SLC2A11: variants seen among roughly 807,000 people sequenced by gnomAD.
SLC2A11 encodes solute carrier family 2 member 11.
In SLC2A11, 43 loss-of-function variants were observed where a neutral mutation model predicts 52.1. The observed-to-expected ratio is 0.82, with a 90% confidence interval of 0.65 to 1.06. The LOEUF (loss-of-function observed/expected upper bound fraction) is 1.06. Among genes scored for constraint, SLC2A11 ranks in the 50% least tolerant of loss-of-function variants. SLC2A11 has a pLI of 0.00. For missense variants in SLC2A11, 582 were observed against 654.2 expected (o/e 0.89, Z 1.20); for synonymous variants, 261 against 277.6 (o/e 0.94, Z 0.59).
intron 1 of SLC2A11, among the ~76,000 whole-genome samples, chr22:23,858,687 A>G (rs2031946111): frequency 6.6e-6 from 1 of 152,254 alleles, no homozygotes; most frequent in African/African-American, 2.4e-5. Context: ...CGACGTAGCG[A>G]GACCTTGTCT....
chr22:23,870,716 G>T (rs760874429), intron 3 of SLC2A11: 1 of 151,614 alleles, frequency 6.6e-6, no homozygotes, highest in Non-Finnish European at 1.5e-5. Context: ...TTTTGAGACG[G>T]AGTTTCGCTC....
rs142006657 is a variant in SLC2A11, at chr22:23,875,712, C to T, written c.415+471C>T. Among the ~76,000 whole-genome samples, 71 of 152,288 alleles carry T rather than the reference C, an allele frequency of 4.7e-4. 1 individual carries two copies. The East Asian group carries it at 7.1e-3, about 15-fold the overall frequency. On this transcript the variant is annotated intron_variant, in intron 4 of 11. Coordinates refer to ENST00000316185, the MANE Select transcript of SLC2A11 (RefSeq NM_001024939.4). ...CTCCAACCAACAAGTCATCTCTTGACGCCCTACTGTTTATACAGCCCAGTG... is the reference window on the plus strand; with the variant it reads ...CTCCAACCAACAAGTCATCTCTTGATGCCCTACTGTTTATACAGCCCAGTG...
chr22:23,877,611 A>C, intron 5 of SLC2A11, 110 bp from the exon 6 acceptor site: 8 of 1,334,088 alleles, frequency 6.0e-6, no homozygotes, highest in South Asian at 1.3e-5. Context: ...AGGAAGAGGC[A>C]CGGGGCAATT....
In SLC2A11 at chr22:23,882,809, G is replaced by T. The variant is rs763819996; in HGVS notation, c.933G>T (p.Ala311=). The change falls in exon 8 of 12, where the codon GCG becomes GCT. Residue 311 remains alanine (A), a synonymous_variant. Transcript: ENST00000316185. ...TCCGGAAGGCAGGAGTGCCGGAAGC[G>T]AAGATCCAGTACGCGATCATCGGGA... is the stretch of plus-strand genomic sequence containing the variant. ...SVFRKAGVPE[A]KIQYAIIGTG... 6.2e-7 allele frequency: 1 copy of T among 1,613,916 alleles called. No individual in the cohort carries two copies. Among genetic ancestry groups the T allele is most frequent in the Non-Finnish European group, 8.5e-7 (1 of 1,179,920 alleles).
chr22:23,857,677 G>C, upstream of SLC2A11: 1 of 1,132,358 alleles, frequency 8.8e-7, no homozygotes. Context: ...ATGCGCCTCA[G>C]GCGCCCTCCG....
chr22:23,867,822 C>T (rs2032321182), intron 2 of SLC2A11: 1 of 467,350 alleles, frequency 2.1e-6, no homozygotes, highest in Non-Finnish European at 4.4e-6. Context: ...TAGCAACCTA[C>T]TCTCCCAGGA....
Position 23,877,046 on chromosome 22 carries a change from G to A in SLC2A11, c.420G>A (p.Val140=), listed in dbSNP as rs147844312. 1,617 of 1,613,848 alleles carry A rather than the reference G, an allele frequency of 1.0e-3. 1 individual carries two copies. Among genetic ancestry groups the A allele is most frequent in the Non-Finnish European group, 1.3e-3 (1,492 of 1,179,976 alleles). ...CTCTGCTGTGCACACGTCCAGGTGT[G>A]AGCATGAACATCCAGCCCATGTACC... The part of the protein sequence containing the change: ...GRLLVGVNAG[V]SMNIQPMYLG... Residue 140 remains valine (V), a synonymous_variant, in exon 5 of 12, where the codon GTG becomes GTA. Transcript: ENST00000316185.
chr22:23,872,153 T>C (rs377174100), intron 3 of SLC2A11: 3 of 151,876 alleles, frequency 2.0e-5, no homozygotes, highest in African/African-American at 7.3e-5. Context: ...CTGGGCAACA[T>C]AGCAGAACCC....
intron 1 of SLC2A11, among the ~76,000 whole-genome samples, chr22:23,860,253 TC>T (rs780997792): frequency 1.1e-4 from 17 of 152,162 alleles, no homozygotes; most frequent in Middle Eastern, 3.4e-3. Flanking sequence ...AAATCCCATC[TC>T]TACAAAAAAA....
chr22:23,864,562 C>G (rs904540845), intron 2 of SLC2A11, among the ~76,000 whole-genome samples: 1 of 152,152 alleles, frequency 6.6e-6, no homozygotes, highest in Non-Finnish European at 1.5e-5. Flanking sequence ...TCAGGCGATC[C>G]GCCTGCCTTG....
intron 6 of SLC2A11, chr22:23,880,384 C>T: frequency 6.6e-6 from 1 of 151,882 alleles, no homozygotes; most frequent in East Asian, 1.9e-4. Context: ...ACAACTTTCT[C>T]AAAAATGATG....
At chr22:23,876,540 G>A (rs956326246) in intron 4 of SLC2A11, among the ~76,000 whole-genome samples, 3 of 152,180 alleles carry the variant, frequency 2.0e-5, no homozygotes, top group Admixed American at 6.5e-5. Flanking sequence ...GCGCTGGGGT[G>A]CTCTCCAGCT....
At chr22:23,882,676 G>A (rs1282222329) in intron 7 of SLC2A11, 30 bp downstream of exon 7, 4 of 1,607,032 alleles carry the variant, frequency 2.5e-6, no homozygotes, top group African/African-American at 1.3e-5. Flanking sequence ...GCACACCCTG[G>A]GCCCCGGGGG....
chr22:23,867,562 TGC>T, intron 2 of SLC2A11: 1 of 385,112 alleles, frequency 2.6e-6, no homozygotes, highest in Non-Finnish European at 5.3e-6. Flanking sequence ...TCATCATACC[TGC>T]GCTTATGGTA....
At chr22:23,858,578 A>G (rs1047821136) in intron 1 of SLC2A11, among the ~76,000 whole-genome samples, 1 of 152,188 alleles carries the variant, frequency 6.6e-6, no homozygotes, top group African/African-American at 2.4e-5. Context: ...ATTCCTTGAC[A>G]GCCTTATTTA....
chr22:23,862,992 A>G (rs909286705), intron 2 of SLC2A11, among the ~76,000 whole-genome samples: 2 of 152,236 alleles, frequency 1.3e-5, no homozygotes, highest in Non-Finnish European at 2.9e-5. Flanking sequence ...GCCTTGAGCT[A>G]TCACGGCCTC....
rs148268624 is a variant in SLC2A11 at position 23,864,699 on chromosome 22, G to T, written c.129+2497G>T. On this transcript the variant is annotated intron_variant, in intron 2 of 11. Transcript: ENST00000316185. The stretch of plus-strand genomic sequence containing the variant: ...GAGGGGTCCATCCCAGGCCGGGCAG[G>T]GCACTCTCAGACCTTACCTCCCACA... 9.2e-3 allele frequency among the ~76,000 whole-genome samples: 1,404 copies of T among 152,280 alleles called. 11 individuals carry two copies. Among genetic ancestry groups the T allele is most frequent in the Middle Eastern group, 0.017 (5 of 294 alleles).
chr22:23,867,925 C>T (rs1278121447), intron 2 of SLC2A11: 128 of 331,410 alleles, frequency 3.9e-4, no homozygotes, highest in Middle Eastern at 1.2e-3. Flanking sequence ...TCCTGAGTTT[C>T]GTGAGCCATT....
intron 5 of SLC2A11, 21 bp downstream of exon 5, chr22:23,877,192 T>C (rs763706518): frequency 1.5e-5 from 24 of 1,598,552 alleles, no homozygotes; most frequent in Non-Finnish European, 1.9e-5. Flanking sequence ...CTCCCCCACA[T>C]GCATTGAGTA....
Sources: allele counts gnomAD v4.1 joint callset (sites outside exome capture counted in the v4.1 genomes callset), GRCh38; gene constraint gnomAD v4.1.1; transcripts MANE v1.5; gene names NCBI Gene and HGNC (gene_info 2026-07-23, HGNC 2026-07-21).